Variants in PIP5K1B observed in about 807,000 individuals in gnomAD.
PIP5K1B encodes the protein phosphatidylinositol 4-phosphate 5-kinase type-1 beta.
Under a neutral mutation model 67.0 loss-of-function variants are expected in PIP5K1B, and 42 were observed. That is an observed-to-expected ratio of 0.63 (90% confidence interval 0.49 to 0.81). The LOEUF is 0.81. Ranked by LOEUF, PIP5K1B falls within the 30% of genes least tolerant of loss-of-function variation. The pLI is 0.00. For synonymous variants in PIP5K1B, 214 were observed against 231.4 expected (o/e 0.92, Z 0.68); for missense variants, 459 against 646.3 (o/e 0.71, Z 3.14).
chr9:68,821,136 G>A (rs186365543), intron 3 of PIP5K1B, among the ~76,000 whole-genome samples: 1 of 152,078 alleles, frequency 6.6e-6, no homozygotes, highest in Non-Finnish European at 1.5e-5. Flanking sequence ...CAAAAAATTA[G>A]TCCCAGCTAC....
intron 14 of PIP5K1B, among the ~76,000 whole-genome samples, chr9:68,984,006 G>T (rs1429748752): frequency 6.6e-6 from 1 of 152,202 alleles, no homozygotes; most frequent in African/African-American, 2.4e-5. Flanking sequence ...AGCAAGCCAA[G>T]ATTGCAACAC....
intron 8 of PIP5K1B, among the ~76,000 whole-genome samples, chr9:68,899,094 A>T (rs987525504): frequency 6.6e-6 from 1 of 152,192 alleles, no homozygotes; most frequent in Admixed American, 6.5e-5. Flanking sequence ...CTCTCCTCTG[A>T]TACAGATCCC....
At chr9:68,952,386 T>C (rs1381996916) in intron 14 of PIP5K1B, among the ~76,000 whole-genome samples, 2 of 152,202 alleles carry the variant, frequency 1.3e-5, no homozygotes, top group African/African-American at 4.8e-5. Flanking sequence ...GTACAAATGT[T>C]ACTTTGGGGC....
intron 14 of PIP5K1B, among the ~76,000 whole-genome samples, chr9:68,945,928 T>C (rs1360904608): frequency 6.6e-6 from 1 of 152,242 alleles, no homozygotes; most frequent in Non-Finnish European, 1.5e-5. Flanking sequence ...AGGATTTTCA[T>C]CTTCAAAGAT....
chr9:68,934,842 G>A (rs1246460435), intron 12 of PIP5K1B, 48 bp from the exon 13 acceptor site: 2 of 1,322,556 alleles, frequency 1.5e-6, no homozygotes, highest in Admixed American at 4.8e-5. Context: ...AAATAGTAAT[G>A]TGATTTTACA....
intron 14 of PIP5K1B, among the ~76,000 whole-genome samples, chr9:68,947,420 G>A (rs1400614596): frequency 2.0e-5 from 3 of 152,160 alleles, no homozygotes; most frequent in Non-Finnish European, 2.9e-5. Flanking sequence ...CTGTCCTCCT[G>A]CCACCTTCTC....
intron 15 of PIP5K1B, among the ~76,000 whole-genome samples, chr9:69,005,497 C>A: frequency 6.6e-6 from 1 of 152,162 alleles, no homozygotes; most frequent in Non-Finnish European, 1.5e-5. Flanking sequence ...AAGCAATACT[C>A]CTCCAAGTAG....
intron 14 of PIP5K1B, among the ~76,000 whole-genome samples, chr9:68,957,193 G>A (rs772873569): frequency 7.9e-5 from 12 of 151,648 alleles, no homozygotes; most frequent in Non-Finnish European, 1.5e-4. Flanking sequence ...CAGACATCAC[G>A]TCCTCTCTCC....
At chr9:68,991,373 G>C in intron 15 of PIP5K1B, 116 bp downstream of exon 15, 1 of 640,100 alleles carries the variant, frequency 1.6e-6, no homozygotes, top group South Asian at 1.9e-5. Flanking sequence ...TAAAAGAAAT[G>C]ATGGCGCCCT....
intron 14 of PIP5K1B, among the ~76,000 whole-genome samples, chr9:68,980,739 T>C (rs927209078): frequency 6.6e-6 from 1 of 152,194 alleles, no homozygotes; most frequent in African/African-American, 2.4e-5. Flanking sequence ...AGAGCTTGTA[T>C]CAAGGCCTCT....
intron 2 of PIP5K1B, chr9:68,781,106 T>G: frequency 6.7e-7 from 1 of 1,502,984 alleles, no homozygotes; most frequent in Non-Finnish European, 8.9e-7. Context: ...ACTTTGTCAA[T>G]TAATTTGAGG....
chr9:68,797,861 C>G (rs553679204), intron 2 of PIP5K1B, among the ~76,000 whole-genome samples: 1 of 151,592 alleles, frequency 6.6e-6, no homozygotes, highest in South Asian at 2.1e-4. Flanking sequence ...ATTGGAAAAG[C>G]CTTGGGCTAT....
intron 2 of PIP5K1B, among the ~76,000 whole-genome samples, chr9:68,765,419 G>A (rs1587409379): frequency 6.6e-6 from 1 of 152,106 alleles, no homozygotes; most frequent in East Asian, 1.9e-4. Context: ...TCATAATGAT[G>A]CCTAGTACAA....
At chr9:68,713,132 C>T (rs1827469960) in intron 1 of PIP5K1B, among the ~76,000 whole-genome samples, 1 of 152,208 alleles carries the variant, frequency 6.6e-6, no homozygotes, top group African/African-American at 2.4e-5. Context: ...GGCGCGGTGG[C>T]TCACAACTAT....
At chr9:68,731,885 CT>C (rs1828450957) in intron 1 of PIP5K1B, among the ~76,000 whole-genome samples, 1 of 152,194 alleles carries the variant, frequency 6.6e-6, no homozygotes, top group South Asian at 2.1e-4. Context: ...TGAAAACTGC[CT>C]ATTGTTCACT....
intron 7 of PIP5K1B, 125 bp downstream of exon 7, chr9:68,889,258 A>G (rs1824645280): frequency 1.5e-6 from 1 of 688,362 alleles, no homozygotes; most frequent in African/African-American, 1.8e-5. Context: ...TTTATTCTGC[A>G]TTTAAATTAT....
At chr9:68,713,691 G>T (rs1827503014) in intron 1 of PIP5K1B, among the ~76,000 whole-genome samples, 1 of 152,178 alleles carries the variant, frequency 6.6e-6, no homozygotes, top group Non-Finnish European at 1.5e-5. Context: ...ATTGTGAATA[G>T]ATTGGGTATC....
chr9:68,894,485 C>T lies in PIP5K1B; in HGVS notation c.618C>T (p.Gly206=), dbSNP rs750555777. Residue 206 remains glycine, a synonymous_variant, in exon 8 of 16, where the codon GGC becomes GGT. Coordinates refer to ENST00000265382, the MANE Select transcript of PIP5K1B (RefSeq NM_003558.4). ...MRMHFTYDLK[G]STYKRRASRK... ...TGCACTTTACATATGACTTGAAAGG[C>T]TCAACGTATAAGCGAAGAGCATCCC... The T allele has an allele frequency of 2.5e-6, 4 of 1,614,076 alleles. No homozygotes were observed. In the Admixed American group the frequency reaches 6.7e-5, roughly 27 times the overall value.
chr9:68,960,398 A>G (rs989967223), intron 14 of PIP5K1B, among the ~76,000 whole-genome samples: 7 of 151,992 alleles, frequency 4.6e-5, no homozygotes, highest in Non-Finnish European at 1.0e-4. Flanking sequence ...CAATCTGCAT[A>G]CTCAAGTCTT....
Sources: gnomAD v4.1 joint callset for allele counts (sites outside exome capture counted in the v4.1 genomes callset) on GRCh38, gnomAD v4.1.1 for gene constraint, MANE v1.5 for transcripts, NCBI Gene and HGNC (gene_info 2026-07-23, HGNC 2026-07-21) for gene names.